Variants in ATF7IP observed in about 807,000 individuals in gnomAD.
ATF7IP encodes activating transcription factor 7 interacting protein.
ATF7IP carries 23 observed loss-of-function variants against 106.4 expected under a neutral mutation model. The ratio of observed to expected loss-of-function variants is 0.22; its 90% confidence interval spans 0.16 to 0.31. ATF7IP has a LOEUF of 0.31. Among genes scored for constraint, ATF7IP ranks in the 10% least tolerant of loss-of-function variants. The pLI, the probability that ATF7IP is intolerant of heterozygous loss-of-function variation, is 1.00. For synonymous variants in ATF7IP, 542 were observed against 539.0 expected (o/e 1.01, Z -0.08); for missense variants, 1,334 against 1,524.3 (o/e 0.88, Z 2.08).
Position 14,455,797 on chromosome 12 carries a change from G to T in ATF7IP, c.1996-764G>T, listed in dbSNP as rs770082996. Among the ~76,000 whole-genome samples, 3 of 151,964 alleles carry T rather than the reference G, an allele frequency of 2.0e-5. No individual in the cohort carries two copies. The East Asian group carries it at 5.8e-4, about 29-fold the overall frequency. On this transcript the variant is annotated intron_variant, in intron 6 of 14. Coordinates refer to ENST00000261168, the MANE Select transcript of ATF7IP (RefSeq NM_018179.5). ...AGATGGGGTTTTGCTACGTTGCCCA[G>T]GCTGGTCTGTAACTCCTGAGCTCAA...
chr12:14,438,830 G>C (rs1243852381), intron 5 of ATF7IP, among the ~76,000 whole-genome samples: 3 of 151,962 alleles, frequency 2.0e-5, no homozygotes, highest in Non-Finnish European at 2.9e-5. Flanking sequence ...AACTTTTAGG[G>C]GACACAGTTC....
At chr12:14,456,691 A>G (rs1943438890) in intron 7 of ATF7IP, 57 bp downstream of exon 7, 1 of 1,261,580 alleles carries the variant, frequency 7.9e-7, no homozygotes, top group East Asian at 2.4e-5. Flanking sequence ...TACTTTCTTT[A>G]TTTGGTCAAA....
chr12:14,377,663 G>T (rs1938810795), intron 1 of ATF7IP, among the ~76,000 whole-genome samples: 1 of 151,504 alleles, frequency 6.6e-6, no homozygotes, highest in East Asian at 1.9e-4. Context: ...ACCCACGTTG[G>T]AGTGCAATGG....
intron 9 of ATF7IP, among the ~76,000 whole-genome samples, chr12:14,464,673 G>A (rs1943761516): frequency 6.6e-6 from 1 of 152,118 alleles, no homozygotes; most frequent in Non-Finnish European, 1.5e-5. Context: ...GCAATGCAAT[G>A]GAACTATAAG....
At chr12:14,458,427 G>A (rs1943515848) in intron 8 of ATF7IP, among the ~76,000 whole-genome samples, 1 of 152,140 alleles carries the variant, frequency 6.6e-6, no homozygotes, top group Admixed American at 6.5e-5. Flanking sequence ...AGATAATTGT[G>A]GATATTCTTC....
chr12:14,472,818 A>G (rs903936073), intron 10 of ATF7IP, among the ~76,000 whole-genome samples: 7 of 118,392 alleles, frequency 5.9e-5, no homozygotes, highest in Non-Finnish European at 9.7e-5. Context: ...ATATGAATGT[A>G]TGCACACACA....
Position 14,368,823 on chromosome 12 carries a change from A to G in ATF7IP, c.-8+2996A>G, listed in dbSNP as rs1378946569. ...TTACTGTTTTTCTTATTTGTTGGTAACAGCTACTTACGGCTTTGGGGTCCT... is the reference window on the plus strand; with the variant it reads ...TTACTGTTTTTCTTATTTGTTGGTAGCAGCTACTTACGGCTTTGGGGTCCT... On this transcript the variant is annotated intron_variant, in intron 1 of 14. Coordinates refer to ENST00000261168, the MANE Select transcript of ATF7IP (RefSeq NM_018179.5). Among the ~76,000 whole-genome samples the G allele has an allele frequency of 3.9e-5, 6 of 152,264 alleles. No individual in the cohort carries two copies. In the South Asian group the frequency reaches 1.2e-3, roughly 32 times the overall value.
chr12:14,474,201 G>A (rs1307049968), intron 10 of ATF7IP, among the ~76,000 whole-genome samples: 6 of 151,612 alleles, frequency 4.0e-5, no homozygotes, highest in Non-Finnish European at 7.4e-5. Flanking sequence ...GTGTCCTATG[G>A]ACTAGAAAAT....
intron 5 of ATF7IP, among the ~76,000 whole-genome samples, chr12:14,441,634 C>T (rs192729694): frequency 1.1e-4 from 16 of 151,936 alleles, no homozygotes; most frequent in African/African-American, 2.4e-4. Context: ...GGACTACAGG[C>T]GTCTGCCACC....
rs148554665 is a variant in ATF7IP, at chr12:14,398,811, T to C, written c.-7-25098T>C. ...TTATATGTCATATATAGGTTTTATA[T>C]GTATACCTACCCTTTTTTGTGGTAC... On this transcript the variant is annotated intron_variant, in intron 1 of 14. Transcript: ENST00000261168. Among the ~76,000 whole-genome samples the C allele has an allele frequency of 7.9e-5, 12 of 152,206 alleles. 1 individual carries two copies. The East Asian group carries it at 2.3e-3, about 29-fold the overall frequency.
At chr12:14,426,716 C>T (rs1259156796) in intron 2 of ATF7IP, among the ~76,000 whole-genome samples, 1 of 146,954 alleles carries the variant, frequency 6.8e-6, no homozygotes, top group Admixed American at 7.0e-5. Context: ...GTCCAGGGTA[C>T]TTGAGGGCCT....
intron 13 of ATF7IP, among the ~76,000 whole-genome samples, chr12:14,487,160 G>T (rs1944647904): frequency 6.6e-6 from 1 of 151,536 alleles, no homozygotes; most frequent in Non-Finnish European, 1.5e-5. Flanking sequence ...AACATTAAAT[G>T]CAGAGTCCCT....
At chr12:14,455,585 TTTTG>T (rs754213329) in intron 6 of ATF7IP, among the ~76,000 whole-genome samples, 120 of 152,274 alleles carry the variant, frequency 7.9e-4, no homozygotes, top group Non-Finnish European at 1.4e-3. Context: ...TTCTTCCATT[TTTTG>T]TTTGTTTGTT....
chr12:14,437,537 T>G (rs930717577), intron 4 of ATF7IP, among the ~76,000 whole-genome samples: 4 of 152,210 alleles, frequency 2.6e-5, no homozygotes, highest in Non-Finnish European at 5.9e-5. Context: ...CAAGTATGGT[T>G]CATGGGTATG....
chr12:14,469,673 T>G (rs544215188), intron 10 of ATF7IP, among the ~76,000 whole-genome samples: 1 of 152,276 alleles, frequency 6.6e-6, no homozygotes, highest in South Asian at 2.1e-4. Flanking sequence ...AAGATTCACC[T>G]TTAAGTTTGC....
At chr12:14,438,296 C>G in intron 5 of ATF7IP, 29 bp downstream of exon 5, 1 of 1,548,022 alleles carries the variant, frequency 6.5e-7, no homozygotes, top group South Asian at 1.2e-5. Context: ...GTTGTATACT[C>G]CATGTGTCAT....
At chr12:14,414,230 A>G (rs565871990) in intron 1 of ATF7IP, among the ~76,000 whole-genome samples, 3 of 152,300 alleles carry the variant, frequency 2.0e-5, no homozygotes, top group Admixed American at 6.5e-5. Flanking sequence ...ATATGTCCCT[A>G]CCTTTTGCCA....
At chr12:14,378,497 C>T (rs1279019828) in intron 1 of ATF7IP, among the ~76,000 whole-genome samples, 3 of 152,098 alleles carry the variant, frequency 2.0e-5, no homozygotes, top group Non-Finnish European at 4.4e-5. Flanking sequence ...TATTTTTCTC[C>T]CTGATCTCTG....
intron 3 of ATF7IP, among the ~76,000 whole-genome samples, chr12:14,435,733 A>C (rs982565445): frequency 2.0e-5 from 3 of 152,216 alleles, no homozygotes; most frequent in African/African-American, 7.2e-5. Flanking sequence ...CTGACATGAG[A>C]ATGAATACTA....
Sources: gnomAD v4.1 joint callset for allele counts (sites outside exome capture counted in the v4.1 genomes callset) on GRCh38, gnomAD v4.1.1 for gene constraint, MANE v1.5 for transcripts, NCBI Gene and HGNC (gene_info 2026-07-23, HGNC 2026-07-21) for gene names.